TC2N: variants seen among roughly 807,000 people sequenced by gnomAD.
TC2N encodes the protein tandem C2 domains nuclear protein.
A neutral mutation model predicts 61.9 loss-of-function variants in TC2N; 51 were observed. The ratio of observed to expected loss-of-function variants is 0.82; its 90% CI spans 0.66 to 1.04. TC2N has a LOEUF of 1.04. TC2N is among the 50% of genes least tolerant of loss of function. The pLI, the probability that TC2N is intolerant of heterozygous loss-of-function variation, is 0.00. For missense variants in TC2N, 556 were observed against 566.7 expected (o/e 0.98, Z 0.19); for synonymous variants, 204 against 192.6 (o/e 1.06, Z -0.49).
At chr14:91,856,934 A>C (rs773390393) in intron 1 of TC2N, among the ~76,000 whole-genome samples, 2 of 152,226 alleles carry the variant, frequency 1.3e-5, no homozygotes, top group Non-Finnish European at 2.9e-5. Flanking sequence ...GGATTAAGCC[A>C]GCTGTTTTCA....
At chr14:91,801,301 T>C (rs1595234026) in intron 4 of TC2N, among the ~76,000 whole-genome samples, 1 of 152,228 alleles carries the variant, frequency 6.6e-6, no homozygotes, top group African/African-American at 2.4e-5. Flanking sequence ...GTACAACATA[T>C]CTATGTACAA....
At chr14:91,804,214 A>T (rs1433064286) in intron 3 of TC2N, among the ~76,000 whole-genome samples, 1 of 152,240 alleles carries the variant, frequency 6.6e-6, no homozygotes, top group Non-Finnish European at 1.5e-5. Flanking sequence ...AAGTAGAGGA[A>T]TGTAAACGAT....
intron 8 of TC2N, among the ~76,000 whole-genome samples, chr14:91,793,139 T>C (rs76478320): frequency 0.013 from 1,929 of 152,330 alleles, 98 homozygotes; most frequent in East Asian, 0.12. Flanking sequence ...TTTAAAATTA[T>C]ATCTTCTCTC....
At chr14:91,803,059 AAAG>A (rs1886335082) in intron 3 of TC2N, among the ~76,000 whole-genome samples, 1 of 152,196 alleles carries the variant, frequency 6.6e-6, no homozygotes, top group South Asian at 2.1e-4. Flanking sequence ...ATAGCAAAGA[AAAG>A]AAGGCCTAGA....
At chr14:91,819,253 C>G (rs1595253088) in intron 1 of TC2N, among the ~76,000 whole-genome samples, 2 of 152,212 alleles carry the variant, frequency 1.3e-5, no homozygotes, top group East Asian at 3.9e-4. Flanking sequence ...TCACTTGAAT[C>G]TGGGAGGCAG....
intron 1 of TC2N, among the ~76,000 whole-genome samples, chr14:91,861,776 C>T (rs1234853866): frequency 1.3e-5 from 2 of 152,046 alleles, no homozygotes; most frequent in African/African-American, 4.8e-5. Context: ...GGCCTGATGG[C>T]GGGTGTTTGT....
At chr14:91,795,828 G>A (rs1031527561) in intron 8 of TC2N, among the ~76,000 whole-genome samples, 8 of 152,016 alleles carry the variant, frequency 5.3e-5, no homozygotes, top group African/African-American at 1.9e-4. Context: ...TGTCTGTACA[G>A]CCAGAACTGT....
At chr14:91,794,554 T>C (rs911411526) in intron 8 of TC2N, among the ~76,000 whole-genome samples, 4 of 152,088 alleles carry the variant, frequency 2.6e-5, no homozygotes, top group Non-Finnish European at 1.5e-5. Flanking sequence ...AAATTAACTA[T>C]GCCTGTGCTC....
chr14:91,841,485 C>A (rs924187905), intron 1 of TC2N, among the ~76,000 whole-genome samples: 1 of 152,208 alleles, frequency 6.6e-6, no homozygotes, highest in African/African-American at 2.4e-5. Flanking sequence ...TGAAGATCCT[C>A]ATGACTACAC....
chr14:91,807,253 A>T (rs1345375889), intron 3 of TC2N, among the ~76,000 whole-genome samples: 1 of 152,222 alleles, frequency 6.6e-6, no homozygotes, highest in Non-Finnish European at 1.5e-5. Flanking sequence ...AAGCCCCCAC[A>T]GAGTCTCCAC....
intron 1 of TC2N, among the ~76,000 whole-genome samples, chr14:91,864,821 G>T (rs544745071): frequency 1.5e-3 from 180 of 116,398 alleles, no homozygotes; most frequent in African/African-American, 5.9e-3. Context: ...TCGCTCTGTT[G>T]CCCAGGCTGA....
At chr14:91,844,630 C>T (rs958408919) in intron 1 of TC2N, among the ~76,000 whole-genome samples, 3 of 151,632 alleles carry the variant, frequency 2.0e-5, no homozygotes, top group African/African-American at 4.8e-5. Flanking sequence ...GGCATGGTGG[C>T]ACATGCCTTA....
intron 3 of TC2N, among the ~76,000 whole-genome samples, chr14:91,809,434 T>TA (rs1886668542): frequency 6.6e-6 from 1 of 152,098 alleles, no homozygotes; most frequent in East Asian, 1.9e-4. Flanking sequence ...ATTTAAAATT[T>TA]AAAAAATCAC....
In TC2N at chr14:91,812,297, T is replaced by G. The variant is rs370034517; in HGVS notation, c.301+15A>C. 8 of 1,443,322 alleles carry G rather than the reference T, an allele frequency of 5.5e-6. No homozygotes were observed. In the African/African-American group the frequency reaches 7.0e-5, roughly 13 times the overall value. 89.4% of individuals were successfully genotyped at this position (1,443,322 alleles called of 1,614,324 possible). ...CTACATATCGATTTTTAAATACTGC[T>G]ATTTTATTGTTTACCTTCAAGTTCT... On this transcript the variant is annotated intron_variant, in intron 3 of 11. Coordinates refer to ENST00000435962, the MANE Select transcript of TC2N (RefSeq NM_001128596.3).
chr14:91,830,594 A>G (rs1887714561), intron 1 of TC2N, among the ~76,000 whole-genome samples: 1 of 152,064 alleles, frequency 6.6e-6, no homozygotes, highest in Non-Finnish European at 1.5e-5. Context: ...AGGTTTTTTT[A>G]GGAGGGTGAC....
At chr14:91,801,909 T>C (rs1306377563) in intron 4 of TC2N, among the ~76,000 whole-genome samples, 2 of 152,196 alleles carry the variant, frequency 1.3e-5, no homozygotes, top group African/African-American at 2.4e-5. Context: ...AAAAAGTGTT[T>C]TGAGAACACC....
intron 8 of TC2N, among the ~76,000 whole-genome samples, chr14:91,796,105 T>A (rs1466219652): frequency 6.6e-6 from 1 of 152,066 alleles, no homozygotes; most frequent in Non-Finnish European, 1.5e-5. Flanking sequence ...TTAAATTAGC[T>A]TTATTTGAAA....
At position 91,842,545 on chromosome 14, in the gene TC2N, C is replaced by A. The variant is rs980866637; in HGVS notation, c.-57+24717G>T. On this transcript the variant is annotated intron_variant, in intron 1 of 11. Coordinates refer to ENST00000435962, the MANE Select transcript of TC2N (RefSeq NM_001128596.3). ...TTTGGTCAGGCTCACCAGAAGTAGA[C>A]AATAGTATGTCTGTCTATTAATATA... Among the ~76,000 whole-genome samples the A allele has an allele frequency of 3.3e-5, 5 of 152,152 alleles. No homozygotes were observed. The East Asian group carries it at 7.7e-4, about 23-fold the overall frequency.
chr14:91,821,435 C>A (rs1286253516), intron 1 of TC2N, among the ~76,000 whole-genome samples: 1 of 151,850 alleles, frequency 6.6e-6, no homozygotes, highest in Non-Finnish European at 1.5e-5. Context: ...CACATTATAT[C>A]CACATGCCCT....
Sources: gnomAD v4.1 joint callset for allele counts (sites outside exome capture counted in the v4.1 genomes callset) on GRCh38, gnomAD v4.1.1 for gene constraint, MANE v1.5 for transcripts, NCBI Gene and HGNC (gene_info 2026-07-23, HGNC 2026-07-21) for gene names.